CACNA1E: variants seen among roughly 807,000 people sequenced by gnomAD.
The protein encoded by CACNA1E is calcium voltage-gated channel subunit alpha1 E, also known as voltage-dependent R-type calcium channel subunit alpha-1E.
CACNA1E carries 40 observed loss-of-function variants against 259.2 expected under a neutral mutation model. That is an observed-to-expected ratio of 0.15 (90% CI 0.12 to 0.20). The LOEUF (loss-of-function observed/expected upper bound fraction) is 0.20, where lower values mean the gene tolerates loss of function less well. Ranked by LOEUF, CACNA1E falls within the 10% of genes least tolerant of loss-of-function variation. CACNA1E has a pLI of 1.00. For missense variants in CACNA1E, 1,874 were observed against 3,040.1 expected (o/e 0.62, Z 9.02); for synonymous variants, 1,104 against 1,138.5 (o/e 0.97, Z 0.61).
intron 1 of CACNA1E, among the ~76,000 whole-genome samples, chr1:181,500,861 A>G (rs913982773): frequency 2.0e-5 from 3 of 152,200 alleles, no homozygotes; most frequent in African/African-American, 7.2e-5. Context: ...GGACTCTTTC[A>G]CAAAAGGCTT....
chr1:181,440,982 TCAAAAAAAAAA>T (rs1558007163), intron 2 of CACNA1E, among the ~76,000 whole-genome samples: 1 of 25,308 alleles, frequency 4.0e-5, no homozygotes. Flanking sequence ...CGACCTTGTT[TCAAAAAAAAAA>T]AAAAAAAAAA....
intron 7 of CACNA1E, among the ~76,000 whole-genome samples, chr1:181,679,500 G>A (rs1649714296): frequency 6.6e-6 from 1 of 152,202 alleles, no homozygotes; most frequent in Non-Finnish European, 1.5e-5. Context: ...GGCAGATAAG[G>A]ACATAATGCC....
intron 2 of CACNA1E, among the ~76,000 whole-genome samples, chr1:181,456,928 AT>A (rs912117863): frequency 9.9e-5 from 15 of 152,150 alleles, no homozygotes; most frequent in African/African-American, 3.4e-4. Context: ...AAAAATTGTA[AT>A]TTTAATCTTT....
In CACNA1E at chr1:181,752,157, G is replaced by A. The variant is rs756688226; in HGVS notation, c.3746G>A (p.Arg1249Gln). ...LANALGTNKG[R>Q]DIKTIKSLRV... is the part of the protein sequence containing the mutation. ...CTCCCCTGCAGAACCAACAAAGGAC[G>A]GGACATCAAGACCATCAAGTCTCTG... Residue 1249 changes from arginine (R) to glutamine (Q), a missense_variant, in exon 27 of 48, where the codon CGG becomes CAG. Coordinates refer to ENST00000367573, the MANE Select transcript of CACNA1E (RefSeq NM_001205293.3). 3.7e-6 allele frequency: 6 copies of A among 1,613,252 alleles called. No individual in the cohort carries two copies. Among genetic ancestry groups the A allele is most frequent in the East Asian group, 2.2e-5 (1 of 44,894 alleles).
chr1:181,423,697 G>A lies in CACNA1E; in HGVS notation c.434+10117G>A, dbSNP rs116730424. Among the ~76,000 whole-genome samples, 923 of 119,930 alleles carry A rather than the reference G, an allele frequency of 7.7e-3. 15 individuals are homozygous for A. Among genetic ancestry groups the A allele is most frequent in the African/African-American group, 0.029 (879 of 30,614 alleles). 78.7% of individuals were successfully genotyped at this position (119,930 alleles called of 152,430 possible). A position where few individuals can be genotyped will look rare whatever the true frequency, so the allele number is the denominator to read the frequency against. Reference sequence around the variant, plus strand: ...TTTTTTTGCTGGCCTTTTGAAAGGCGGCCAGCCTCCTGCAGATCTAGTGAG... The same window carrying A: ...TTTTTTTGCTGGCCTTTTGAAAGGCAGCCAGCCTCCTGCAGATCTAGTGAG... On this transcript the variant is annotated intron_variant, in intron 2 of 11. Transcript: ENST00000524607.
intron 2 of CACNA1E, among the ~76,000 whole-genome samples, chr1:181,476,684 G>A (rs1317252704): frequency 6.6e-6 from 1 of 152,202 alleles, no homozygotes; most frequent in East Asian, 1.9e-4. Flanking sequence ...ATCGGCCTGA[G>A]CCCACCCGGG....
chr1:181,541,139 T>C (rs549615651), intron 3 of CACNA1E, among the ~76,000 whole-genome samples: 1 of 152,324 alleles, frequency 6.6e-6, no homozygotes, highest in Admixed American at 6.5e-5. Context: ...TCTTTTGTTA[T>C]AGAACCACAG....
rs2102694218 is a variant in CACNA1E at position 181,757,942 on chromosome 1, T to C, written c.4330-5T>C. 1 of 1,613,734 alleles carries C rather than the reference T, an allele frequency of 6.2e-7. No homozygotes were observed. On this transcript the variant is annotated splice_region_variant and splice_polypyrimidine_tract_variant and intron_variant, in intron 30 of 47. Transcript: ENST00000367573. Reference sequence around the variant, plus strand: ...TTTGTGCTAATAACCATGACTTTCTTGCAGAGGGCGTGCATCGACTTCGCC... The same window carrying C: ...TTTGTGCTAATAACCATGACTTTCTCGCAGAGGGCGTGCATCGACTTCGCC...
chr1:181,767,104 G>T (rs1207307284), intron 35 of CACNA1E, among the ~76,000 whole-genome samples: 1 of 152,162 alleles, frequency 6.6e-6, no homozygotes, highest in Admixed American at 6.5e-5. Flanking sequence ...GACTGGCTGA[G>T]ATTTATGCCC....
At chr1:181,428,849 G>T (rs1304145563) in intron 2 of CACNA1E, among the ~76,000 whole-genome samples, 2 of 152,140 alleles carry the variant, frequency 1.3e-5, no homozygotes, top group African/African-American at 2.4e-5. Flanking sequence ...TCTGGCATTG[G>T]TGCATGGCCA....
chr1:181,554,667 A>G (rs1281690480), intron 3 of CACNA1E, among the ~76,000 whole-genome samples: 1 of 152,204 alleles, frequency 6.6e-6, no homozygotes, highest in Non-Finnish European at 1.5e-5. Context: ...CTGTTTGATC[A>G]TCCTGCTTTC....
chr1:181,572,366 A>C (rs1384602336), intron 3 of CACNA1E, among the ~76,000 whole-genome samples: 2 of 152,214 alleles, frequency 1.3e-5, no homozygotes, highest in Non-Finnish European at 2.9e-5. Context: ...TCAGGATTGT[A>C]TCAATCTCCA....
chr1:181,505,277 A>G (rs571032846), intron 1 of CACNA1E, among the ~76,000 whole-genome samples: 1 of 152,216 alleles, frequency 6.6e-6, no homozygotes, highest in Non-Finnish European at 1.5e-5. Flanking sequence ...TTAGAGGAGT[A>G]AAGAAGAAAG....
intron 41 of CACNA1E, 65 bp from the exon 42 acceptor site, chr1:181,785,253 G>A: frequency 1.1e-6 from 1 of 921,504 alleles, no homozygotes; most frequent in Admixed American, 1.9e-5. Flanking sequence ...ACAAAGCTTA[G>A]AGGTTCCTCA....
intron 21 of CACNA1E, among the ~76,000 whole-genome samples, chr1:181,734,712 C>T (rs1335645531): frequency 7.3e-6 from 1 of 137,746 alleles, no homozygotes; most frequent in African/African-American, 2.8e-5. Flanking sequence ...CCTGACCCCA[C>T]ACCTCATCCC....
intron 6 of CACNA1E, among the ~76,000 whole-genome samples, chr1:181,616,818 T>C (rs1655261480): frequency 6.6e-6 from 1 of 152,224 alleles, no homozygotes; most frequent in Non-Finnish European, 1.5e-5. Flanking sequence ...TTGTTTTGTC[T>C]TTTTTATGTC....
intron 6 of CACNA1E, among the ~76,000 whole-genome samples, chr1:181,601,500 A>G (rs1281889108): frequency 6.6e-6 from 1 of 151,956 alleles, no homozygotes; most frequent in African/African-American, 2.4e-5. Context: ...ATCATTTTTC[A>G]TACCTCTTAT....
chr1:181,361,937 A>ATG, intron 1 of CACNA1E, among the ~76,000 whole-genome samples: 1 of 152,246 alleles, frequency 6.6e-6, no homozygotes, highest in East Asian at 1.9e-4. Context: ...TCAGCATAGT[A>ATG]TGTGGCACAT....
chr1:181,501,363 T>C (rs920463192), intron 1 of CACNA1E, among the ~76,000 whole-genome samples: 3 of 152,262 alleles, frequency 2.0e-5, no homozygotes, highest in African/African-American at 7.2e-5. Flanking sequence ...AGTCTGGAAC[T>C]GACCTCAGTG....
Sources: gnomAD v4.1 joint callset for allele counts (sites outside exome capture counted in the v4.1 genomes callset) on GRCh38, gnomAD v4.1.1 for gene constraint, MANE v1.5 for transcripts, NCBI Gene and HGNC (gene_info 2026-07-23, HGNC 2026-07-21) for gene names.